FREM1: variants seen among roughly 807,000 people sequenced by gnomAD.
FREM1 encodes FRAS1 related extracellular matrix 1, also known as FRAS1-related extracellular matrix protein 1.
FREM1 carries 220 observed loss-of-function variants against 210.1 expected under a neutral mutation model. That is an observed-to-expected ratio of 1.05 (90% confidence interval 0.94 to 1.17). The LOEUF (loss-of-function observed/expected upper bound fraction) is 1.17. Among genes scored for constraint, FREM1 ranks in the 50% most tolerant of loss-of-function variants. The pLI is 0.00. For synonymous variants in FREM1, 1,189 were observed against 980.2 expected, an observed-to-expected ratio of 1.21 and a Z score of -3.98; for missense variants, 3,454 against 2,675.5, an observed-to-expected ratio of 1.29 and a Z score of -6.42.
chr9:14,775,757 T>TCTGG, intron 25 of FREM1, 32 bp downstream of exon 25: 1 of 1,110,248 alleles, frequency 9.0e-7, no homozygotes, highest in Non-Finnish European at 1.3e-6. Context: ...TTTTCACATC[T>TCTGG]CTGGCAAATG....
At chr9:14,794,237 A>G (rs1249178933) in intron 21 of FREM1, among the ~76,000 whole-genome samples, 1 of 152,134 alleles carries the variant, frequency 6.6e-6, no homozygotes, top group Admixed American at 6.5e-5. Context: ...AGAGAAAGGG[A>G]AGGAGAAAAA....
Position 14,788,907 on chromosome 9 carries a change from A to G in FREM1, c.4177+12T>C. On this transcript the variant is annotated intron_variant, in intron 23 of 36. Coordinates refer to ENST00000380880, the MANE Select transcript of FREM1 (RefSeq NM_001379081.2). ...AGTTGATCCCAGTAAACCTTGGTAG[A>G]CGTGCTTTTACCTTTTTCCATGTCC... 1 of 1,605,740 alleles carries G rather than the reference A, an allele frequency of 6.2e-7. No individual in the cohort carries two copies. The highest frequency in any genetic ancestry group is 2.2e-5 in the East Asian group (1 of 44,712).
chr9:14,737,234 A>G lies in FREM1; in HGVS notation c.*162T>C. The G allele has an allele frequency of 1.9e-6, 1 of 533,442 alleles. No individual in the cohort carries two copies. Among genetic ancestry groups the G allele is most frequent in the South Asian group, 3.4e-5 (1 of 28,996 alleles). 33.0% of individuals were successfully genotyped at this position (533,442 alleles called of 1,614,324 possible). ...ATCTTGTAAAAAATATTTATTTATC[A>G]ATCTTTCTGGCACTATTAAAAATGT... On this transcript the variant is annotated 3_prime_UTR_variant, in exon 37 of 37. Transcript: ENST00000380880.
At chr9:14,862,077 A>G (rs1204962034) in intron 3 of FREM1, among the ~76,000 whole-genome samples, 1 of 152,224 alleles carries the variant, frequency 6.6e-6, no homozygotes, top group Non-Finnish European at 1.5e-5. Flanking sequence ...TGCTGATTTC[A>G]TATCTTCCTA....
intron 20 of FREM1, among the ~76,000 whole-genome samples, chr9:14,800,661 A>G (rs1159396236): frequency 2.0e-5 from 3 of 152,160 alleles, no homozygotes; most frequent in African/African-American, 7.2e-5. Context: ...TGTTTGAGTG[A>G]AAATACAATA....
chr9:14,827,999 A>C (rs1005023628), intron 10 of FREM1, among the ~76,000 whole-genome samples: 1 of 152,230 alleles, frequency 6.6e-6, no homozygotes, highest in African/African-American at 2.4e-5. Context: ...ATTTCAAGAG[A>C]TGCCTCAGAA....
At chr9:14,737,912 A>C (rs1244186602) in intron 36 of FREM1, among the ~76,000 whole-genome samples, 1 of 152,320 alleles carries the variant, frequency 6.6e-6, no homozygotes, top group East Asian at 1.9e-4. Flanking sequence ...AAGATAATGC[A>C]TGTAAAGCTC....
At chr9:14,747,820 C>G (rs929859569) in intron 31 of FREM1, 92 bp from the exon 32 acceptor site, 22 of 692,088 alleles carry the variant, frequency 3.2e-5, no homozygotes, top group Non-Finnish European at 5.3e-5. Context: ...TTGCTAATGT[C>G]TGAACAATTA....
chr9:14,774,511 A>ATCTCTCTC lies in FREM1; in HGVS notation c.4857+1270_4857+1277dup, dbSNP rs36211636. ...CCAATGAGCCAATTTCCTAAAATAA[A>ATCTCTCTC]TCTCTCTCTCTCTCTCTCTCTCTCT... On this transcript the variant is annotated intron_variant, in intron 25 of 36. Coordinates refer to ENST00000380880, the MANE Select transcript of FREM1 (RefSeq NM_001379081.2). Among the ~76,000 whole-genome samples, 407 of 136,316 alleles carry ATCTCTCTC rather than the reference A, an allele frequency of 3.0e-3. 1 individual carries two copies. Among genetic ancestry groups the ATCTCTCTC allele is most frequent in the Middle Eastern group, 7.3e-3 (2 of 274 alleles). The allele number at this position is 136,316 out of a possible 152,430, so 89.4% of individuals were successfully genotyped here. A position where few individuals can be genotyped will look rare whatever the true frequency, so the allele number is the denominator to read the frequency against.
At chr9:14,782,321 G>A (rs1259249245) in intron 24 of FREM1, 8 of 971,694 alleles carry the variant, frequency 8.2e-6, no homozygotes, top group African/African-American at 5.3e-5. Flanking sequence ...ATTGCCAATC[G>A]TTTCATACGG....
chr9:14,863,683 T>C, intron 3 of FREM1, 126 bp downstream of exon 3: 1 of 614,340 alleles, frequency 1.6e-6, no homozygotes, highest in Non-Finnish European at 2.9e-6. Flanking sequence ...CCAGTTTCTG[T>C]TGATTACTTT....
At chr9:14,846,957 C>G (rs2131308822) in intron 7 of FREM1, among the ~76,000 whole-genome samples, 2 of 152,268 alleles carry the variant, frequency 1.3e-5, no homozygotes, top group Middle Eastern at 6.8e-3. Flanking sequence ...CTCCACTGCC[C>G]TCTAGTGGCG....
intron 6 of FREM1, among the ~76,000 whole-genome samples, chr9:14,851,005 T>G (rs1827627428): frequency 6.6e-6 from 1 of 152,232 alleles, no homozygotes; most frequent in African/African-American, 2.4e-5. Context: ...GTGGGCACAC[T>G]TGTATCCTTG....
chr9:14,900,737 T>C (rs963188682), intron 1 of FREM1, among the ~76,000 whole-genome samples: 13 of 152,192 alleles, frequency 8.5e-5, no homozygotes, highest in African/African-American at 2.4e-4. Flanking sequence ...GCCAGTCCCA[T>C]GTGTGAGATG....
chr9:14,866,381 T>C (rs1017261290), intron 2 of FREM1, among the ~76,000 whole-genome samples: 45 of 152,266 alleles, frequency 3.0e-4, no homozygotes, highest in Non-Finnish European at 5.4e-4. Flanking sequence ...TCACTAAAGA[T>C]ATATAATGGG....
chr9:14,806,529 C>T (rs1818405006), intron 18 of FREM1, 132 bp downstream of exon 18: 3 of 631,058 alleles, frequency 4.8e-6, no homozygotes, highest in Non-Finnish European at 8.4e-6. Flanking sequence ...GCTGGGATTA[C>T]AGGCATCAGC....
chr9:14,757,979 G>A (rs1587747649), intron 28 of FREM1, among the ~76,000 whole-genome samples: 2 of 152,166 alleles, frequency 1.3e-5, no homozygotes, highest in African/African-American at 4.8e-5. Context: ...GTTCTTGCAT[G>A]TCCAATTACC....
At chr9:14,875,852 T>C (rs1225079490) in intron 1 of FREM1, among the ~76,000 whole-genome samples, 2 of 152,192 alleles carry the variant, frequency 1.3e-5, no homozygotes, top group East Asian at 1.9e-4. Context: ...GATGGGTTTT[T>C]GGTGTGGATG....
intron 2 of FREM1, among the ~76,000 whole-genome samples, chr9:14,866,599 A>C (rs1831566141): frequency 6.6e-6 from 1 of 152,202 alleles, no homozygotes; most frequent in Non-Finnish European, 1.5e-5. Flanking sequence ...AAGACAGCTT[A>C]GACAGCTTGC....
Sources: gnomAD v4.1 joint callset for allele counts (sites outside exome capture counted in the v4.1 genomes callset) on GRCh38, gnomAD v4.1.1 for gene constraint, MANE v1.5 for transcripts, NCBI Gene and HGNC (gene_info 2026-07-23, HGNC 2026-07-21) for gene names.